C12orf56: variants seen among roughly 807,000 people sequenced by gnomAD.
C12orf56 encodes chromosome 12 open reading frame 56, also known as uncharacterized protein C12orf56.
Under a neutral mutation model 69.9 loss-of-function variants are expected in C12orf56, and 71 were observed. The observed-to-expected ratio is 1.02, with a 90% confidence interval of 0.84 to 1.24. C12orf56 has a LOEUF of 1.24. C12orf56 is among the 50% of genes most tolerant of loss of function. C12orf56 has a pLI of 0.00. For missense variants in C12orf56, 732 were observed against 738.5 expected, an observed-to-expected ratio of 0.99 and a Z score of 0.10; for synonymous variants, 276 against 274.1, an observed-to-expected ratio of 1.01 and a Z score of -0.07.
At chr12:64,373,715 T>C (rs2039603767) in intron 1 of C12orf56, among the ~76,000 whole-genome samples, 1 of 152,132 alleles carries the variant, frequency 6.6e-6, no homozygotes, top group African/African-American at 2.4e-5. Context: ...GATCTGAGAG[T>C]ATTTCAAAGA....
intron 6 of C12orf56, among the ~76,000 whole-genome samples, chr12:64,302,145 G>A (rs924828020): frequency 6.6e-6 from 1 of 152,038 alleles, no homozygotes; most frequent in African/African-American, 2.4e-5. Flanking sequence ...AATCAACTTG[G>A]TTGGTCATAT....
intron 1 of C12orf56, among the ~76,000 whole-genome samples, chr12:64,358,509 C>A (rs1212510694): frequency 7.4e-6 from 1 of 135,158 alleles, no homozygotes; most frequent in African/African-American, 2.8e-5. Flanking sequence ...TCATCATCAT[C>A]TTGGCCAGGC....
intron 1 of C12orf56, among the ~76,000 whole-genome samples, chr12:64,370,355 C>CA (rs985725558): frequency 4.1e-5 from 6 of 148,050 alleles, no homozygotes; most frequent in Non-Finnish European, 7.5e-5. Context: ...TGCGCCCCCC[C>CA]AAAAAAAAAG....
chr12:64,362,958 C>T lies in C12orf56; in HGVS notation c.253-9902G>A, dbSNP rs141594932. Among the ~76,000 whole-genome samples the T allele has an allele frequency of 3.3e-4, 50 of 152,222 alleles. No individual in the cohort carries two copies. The East Asian group carries it at 7.7e-3, about 24-fold the overall frequency. On this transcript the variant is annotated intron_variant, in intron 1 of 12. Transcript: ENST00000543942. The stretch of plus-strand genomic sequence containing the variant: ...TGAGGACAACCAGAGGTCACCTCAT[C>T]GCCATCTTGGTTTTGGTGGGTTCAG...
At chr12:64,357,295 G>A (rs1027871874) in intron 1 of C12orf56, among the ~76,000 whole-genome samples, 2 of 151,944 alleles carry the variant, frequency 1.3e-5, no homozygotes, top group African/African-American at 4.8e-5. Context: ...TTCAGAAATT[G>A]TTTTATGGGA....
chr12:64,301,556 C>A lies in C12orf56; in HGVS notation c.1113+2079G>T, dbSNP rs571544884. ...AAGGTTTTCAGGACCTTCCTTAGGT[C>A]CTGATCTAATCTTAGTTATAGATTA... On this transcript the variant is annotated intron_variant, in intron 6 of 12. Transcript: ENST00000543942. Among the ~76,000 whole-genome samples, 198 of 152,180 alleles carry A rather than the reference C, an allele frequency of 1.3e-3. 1 individual carries two copies. Among genetic ancestry groups the A allele is most frequent in the African/African-American group, 4.5e-3 (186 of 41,534 alleles).
intron 2 of C12orf56, chr12:64,338,226 G>A (rs2039022447): frequency 1.8e-6 from 1 of 566,724 alleles, no homozygotes; most frequent in Non-Finnish European, 3.4e-6. Flanking sequence ...CCGACTTCTG[G>A]CATCATCTGC....
chr12:64,281,942 G>A (rs1233941051), intron 8 of C12orf56, among the ~76,000 whole-genome samples: 2 of 152,094 alleles, frequency 1.3e-5, no homozygotes, highest in African/African-American at 4.8e-5. Flanking sequence ...ACCAAAAGGT[G>A]GAGAAAAAGG....
chr12:64,283,283 G>A (rs75074577), intron 8 of C12orf56, among the ~76,000 whole-genome samples: 2,595 of 152,324 alleles, frequency 0.017, 68 homozygotes, highest in African/African-American at 0.059. Flanking sequence ...AGCAGAGGGT[G>A]CAGTGAGCTG....
rs1331159550 is a variant in C12orf56 at position 64,350,260 on chromosome 12, C to T, written c.415+2634G>A. Among the ~76,000 whole-genome samples, 3 of 152,008 alleles carry T rather than the reference C, an allele frequency of 2.0e-5. No individual in the cohort carries two copies. In the East Asian group the frequency reaches 5.8e-4, roughly 29 times the overall value. ...ACCACTAAAGAACTTACTCATATAA[C>T]CAAATATGACCACTAAAGAGCTTAC... On this transcript the variant is annotated intron_variant, in intron 2 of 12. Transcript: ENST00000543942.
chr12:64,365,367 A>G lies in C12orf56; in HGVS notation c.253-12311T>C, dbSNP rs1329986124. Among the ~76,000 whole-genome samples the G allele has an allele frequency of 2.0e-5, 3 of 151,722 alleles. No individual in the cohort carries two copies. In the East Asian group the frequency reaches 5.8e-4, roughly 29 times the overall value. On this transcript the variant is annotated intron_variant, in intron 1 of 12. Coordinates refer to ENST00000543942, the MANE Select transcript of C12orf56 (RefSeq NM_001170633.2). ...TTTTTAGTAGAGATGGGGTTTCACT[A>G]TGTTGGCCAGGCTGCTCTCCAACTC...
intron 8 of C12orf56, among the ~76,000 whole-genome samples, chr12:64,278,036 T>C (rs1200033791): frequency 6.6e-6 from 1 of 152,124 alleles, no homozygotes; most frequent in Non-Finnish European, 1.5e-5. Flanking sequence ...GTTCTAGAAG[T>C]CCACATAGCT....
At chr12:64,342,703 A>C (rs1233004675) in intron 2 of C12orf56, among the ~76,000 whole-genome samples, 13 of 152,244 alleles carry the variant, frequency 8.5e-5, no homozygotes, top group Admixed American at 8.5e-4. Flanking sequence ...TTCAGGTCAC[A>C]TGGTGACTTG....
intron 8 of C12orf56, among the ~76,000 whole-genome samples, chr12:64,283,540 G>C: frequency 6.6e-6 from 1 of 152,274 alleles, no homozygotes; most frequent in East Asian, 1.9e-4. Context: ...AGCCTCTCCT[G>C]CAGCTAGGTG....
chr12:64,344,690 T>C (rs1276089004), intron 2 of C12orf56, among the ~76,000 whole-genome samples: 1 of 152,176 alleles, frequency 6.6e-6, no homozygotes, highest in Non-Finnish European at 1.5e-5. Flanking sequence ...TCTTCAAAGA[T>C]GCAGGTGCTG....
intron 5 of C12orf56, among the ~76,000 whole-genome samples, chr12:64,306,558 A>G (rs2038516376): frequency 1.3e-5 from 2 of 152,024 alleles, no homozygotes; most frequent in South Asian, 4.1e-4. Context: ...TAGTAGAGAC[A>G]AAGTTTTGCC....
intron 9 of C12orf56, among the ~76,000 whole-genome samples, chr12:64,276,381 G>T (rs2038051205): frequency 6.6e-6 from 1 of 152,124 alleles, no homozygotes; most frequent in South Asian, 2.1e-4. Context: ...AGGAGGACTA[G>T]TCTCATTTGG....
intron 4 of C12orf56, among the ~76,000 whole-genome samples, chr12:64,316,277 G>A (rs889118284): frequency 6.6e-6 from 1 of 151,858 alleles, no homozygotes; most frequent in Non-Finnish European, 1.5e-5. Flanking sequence ...ATTTTTTGTA[G>A]AGATGGGATT....
chr12:64,292,953 C>T lies in C12orf56; in HGVS notation c.1114-6893G>A, dbSNP rs1227126157. ...ATGGCGGGCGCCCCTCCCCCAGCCT[C>T]GCTGCCGCCTTGCAGTTTGATCTCA... On this transcript the variant is annotated intron_variant, in intron 6 of 12. Transcript: ENST00000543942. Among the ~76,000 whole-genome samples, 10 of 145,042 alleles carry T rather than the reference C, an allele frequency of 6.9e-5. No homozygotes were observed. In the South Asian group the frequency reaches 1.8e-3, roughly 26 times the overall value.
Sources: allele counts gnomAD v4.1 joint callset (sites outside exome capture counted in the v4.1 genomes callset), GRCh38; gene constraint gnomAD v4.1.1; transcripts MANE v1.5; gene names NCBI Gene and HGNC (gene_info 2026-07-23, HGNC 2026-07-21).